Variants in PLCB4 observed in about 807,000 individuals in gnomAD.
PLCB4 encodes the protein phospholipase C beta 4.
In PLCB4, 77 loss-of-function variants were observed where a neutral mutation model predicts 178.8. The observed-to-expected ratio is 0.43, with a 90% CI of 0.36 to 0.52. The LOEUF (loss-of-function observed/expected upper bound fraction) is 0.52. Among genes scored for constraint, PLCB4 ranks in the 20% least tolerant of loss-of-function variants. The pLI is 0.00. For synonymous variants in PLCB4, 496 were observed against 490.8 expected, an observed-to-expected ratio of 1.01 and a Z score of -0.14; for missense variants, 1,024 against 1,453.4, an observed-to-expected ratio of 0.70 and a Z score of 4.80.
rs1420206133 is a variant in PLCB4 at position 9,338,017 on chromosome 20, G to A, written c.175G>A (p.Val59Met). 1 of 1,610,922 alleles carries A rather than the reference G, an allele frequency of 6.2e-7. No homozygotes were observed. Among genetic ancestry groups the A allele is most frequent in the Non-Finnish European group, 8.5e-7 (1 of 1,177,294 alleles). The change falls in exon 6 of 40, where the codon GTG (valine) becomes ATG (methionine). Residue 59 changes from valine to methionine, a missense_variant. Coordinates refer to ENST00000378473, the MANE Select transcript of PLCB4 (RefSeq NM_001377142.1). ...TWRSEGKEGQVLECSLINSIR... is the reference protein window; with the variant it reads ...TWRSEGKEGQMLECSLINSIR... ...TATTCTCTCTCTTCAGGAAGGACAG[G>A]TGCTAGAATGCTCCCTCATCAACAG...
intron 3 of PLCB4, among the ~76,000 whole-genome samples, chr20:9,279,428 G>C (rs927618966): frequency 6.6e-6 from 1 of 151,918 alleles, no homozygotes; most frequent in Non-Finnish European, 1.5e-5. Flanking sequence ...TAGAGAAAAC[G>C]TGAAGGGGGG....
intron 3 of PLCB4, among the ~76,000 whole-genome samples, chr20:9,232,643 A>G (rs530761989): frequency 6.6e-6 from 1 of 152,278 alleles, no homozygotes; most frequent in South Asian, 2.1e-4. Flanking sequence ...TAAAGTTTGT[A>G]GGTAATTTTC....
chr20:9,131,787 C>A (rs542685820), intron 2 of PLCB4, among the ~76,000 whole-genome samples: 5 of 152,250 alleles, frequency 3.3e-5, no homozygotes, highest in African/African-American at 1.2e-4. Context: ...GGCCATATAA[C>A]TTCCTTTGGT....
intron 12 of PLCB4, among the ~76,000 whole-genome samples, chr20:9,378,470 A>C (rs76739830): frequency 0.029 from 4,395 of 152,196 alleles, 212 homozygotes; most frequent in African/African-American, 0.1. Flanking sequence ...TCTCACCAGA[A>C]AGACGGAGCT....
chr20:9,376,680 T>C (rs1227523032), intron 12 of PLCB4, among the ~76,000 whole-genome samples: 2 of 152,180 alleles, frequency 1.3e-5, no homozygotes, highest in African/African-American at 4.8e-5. Context: ...CTATTCCTAA[T>C]GAGAAGCAAA....
chr20:9,395,304 G>C (rs1325318310), intron 18 of PLCB4, among the ~76,000 whole-genome samples: 3 of 152,178 alleles, frequency 2.0e-5, no homozygotes, highest in Non-Finnish European at 4.4e-5. Context: ...TCTTCATCAT[G>C]TGTATATAAG....
At position 9,405,411 on chromosome 20, in the gene PLCB4, G is replaced by A. The variant is rs545312534; in HGVS notation, c.1647+63G>A. The A allele has an allele frequency of 4.2e-5, 41 of 966,996 alleles. No homozygotes were observed. The African/African-American group carries it at 6.5e-4, about 15-fold the overall frequency. 59.9% of individuals were successfully genotyped at this position (966,996 alleles called of 1,614,324 possible). ...GCATCTAATTTAAAAAATCTTCAAA[G>A]GAAGGAATCAGTTGTGGTGAAAAAA... On this transcript the variant is annotated intron_variant, in intron 21 of 39. Transcript: ENST00000378473.
chr20:9,210,100 G>A (rs1411829068), intron 2 of PLCB4, among the ~76,000 whole-genome samples: 1 of 152,010 alleles, frequency 6.6e-6, no homozygotes, highest in Non-Finnish European at 1.5e-5. Context: ...TTATGCAGCT[G>A]TAGAAAACTA....
chr20:9,422,604 A>T (rs995632154), intron 27 of PLCB4, among the ~76,000 whole-genome samples: 1 of 152,194 alleles, frequency 6.6e-6, no homozygotes, highest in Non-Finnish European at 1.5e-5. Flanking sequence ...ATGAGAAAAT[A>T]CCCAGCTTAG....
At chr20:9,112,965 A>C (rs1372093408) in intron 2 of PLCB4, among the ~76,000 whole-genome samples, 1 of 152,116 alleles carries the variant, frequency 6.6e-6, no homozygotes, top group Non-Finnish European at 1.5e-5. Flanking sequence ...TGCTGAAGGA[A>C]CTGACTGCTG....
intron 2 of PLCB4, among the ~76,000 whole-genome samples, chr20:9,098,107 T>A (rs930487915): frequency 2.4e-4 from 37 of 152,178 alleles, no homozygotes; most frequent in Admixed American, 6.5e-5. Flanking sequence ...AATAGTTAAA[T>A]AAATGTTTTC....
chr20:9,226,297 G>A (rs903181907), intron 3 of PLCB4, among the ~76,000 whole-genome samples: 1 of 152,144 alleles, frequency 6.6e-6, no homozygotes, highest in Non-Finnish European at 1.5e-5. Context: ...ATAATAAAGC[G>A]GTCTAGAATT....
chr20:9,235,439 G>GTGTC (rs1324846430), intron 3 of PLCB4, among the ~76,000 whole-genome samples: 1 of 152,152 alleles, frequency 6.6e-6, no homozygotes, highest in Non-Finnish European at 1.5e-5. Context: ...ATGTATAATA[G>GTGTC]TGTCTGTTTC....
chr20:9,428,666 T>C (rs1004305133), intron 28 of PLCB4, among the ~76,000 whole-genome samples: 9 of 152,104 alleles, frequency 5.9e-5, no homozygotes, highest in Non-Finnish European at 1.3e-4. Context: ...TTGCAGCTGA[T>C]AGGGGAAAAG....
chr20:9,138,831 C>A (rs1289076610), intron 2 of PLCB4, among the ~76,000 whole-genome samples: 2 of 152,064 alleles, frequency 1.3e-5, no homozygotes, highest in African/African-American at 4.8e-5. Context: ...TGAAGACTGT[C>A]TTATCATTAC....
intron 2 of PLCB4, among the ~76,000 whole-genome samples, chr20:9,197,634 A>G (rs1321215772): frequency 6.6e-6 from 1 of 152,258 alleles, no homozygotes; most frequent in Non-Finnish European, 1.5e-5. Context: ...CTGTATAGGA[A>G]TTTTCTGGAG....
intron 2 of PLCB4, among the ~76,000 whole-genome samples, chr20:9,208,821 G>A (rs899919901): frequency 1.3e-5 from 2 of 152,294 alleles, no homozygotes; most frequent in East Asian, 3.9e-4. Context: ...GATTACAGGC[G>A]TGAGCCACCA....
intron 2 of PLCB4, among the ~76,000 whole-genome samples, chr20:9,174,978 C>T (rs368829233): frequency 6.6e-6 from 1 of 152,090 alleles, no homozygotes; most frequent in South Asian, 2.1e-4. Flanking sequence ...GTTATTAATA[C>T]TGATGGTGTA....
chr20:9,225,957 T>A (rs1309195554), intron 3 of PLCB4, among the ~76,000 whole-genome samples: 1 of 152,212 alleles, frequency 6.6e-6, no homozygotes, highest in Non-Finnish European at 1.5e-5. Flanking sequence ...TGCTGAGGAC[T>A]GAAGACTAAA....
Sources: allele counts gnomAD v4.1 joint callset (sites outside exome capture counted in the v4.1 genomes callset), GRCh38; gene constraint gnomAD v4.1.1; transcripts MANE v1.5; gene names NCBI Gene and HGNC (gene_info 2026-07-23, HGNC 2026-07-21).